Variants in PLB1 observed in about 807,000 individuals in gnomAD.
The protein encoded by PLB1 is phospholipase B1, also known as phospholipase B1, membrane-associated.
PLB1 carries 242 observed loss-of-function variants against 227.4 expected under a neutral mutation model. The observed-to-expected ratio is 1.06, with a 90% CI of 0.96 to 1.18. The LOEUF (loss-of-function observed/expected upper bound fraction) is 1.18, where lower values mean the gene tolerates loss of function less well. PLB1 is among the 50% of genes most tolerant of loss of function. The pLI, the probability that PLB1 is intolerant of heterozygous loss-of-function variation, is 0.00. For synonymous variants in PLB1, 757 were observed against 682.2 expected, an observed-to-expected ratio of 1.11 and a Z score of -1.71; for missense variants, 1,858 against 1,816.3, an observed-to-expected ratio of 1.02 and a Z score of -0.42.
intron 28 of PLB1, 71 bp downstream of exon 28, chr2:28,589,841 C>A: frequency 6.8e-7 from 1 of 1,474,482 alleles, no homozygotes; most frequent in Non-Finnish European, 9.5e-7. Context: ...CTTTGGAGGA[C>A]CTCGGAGGCC....
rs921730419 is a variant in PLB1, at chr2:28,573,434, C to T, written c.1433+129C>T. On this transcript the variant is annotated intron_variant, in intron 21 of 57. Coordinates refer to ENST00000327757, the MANE Select transcript of PLB1 (RefSeq NM_153021.5). ...AGAGGAAAGGGTTTCGGGGCCAAAGCCTGGACAGAGCTCTCTTGGAGGTGT... is the reference window on the plus strand; with the variant it reads ...AGAGGAAAGGGTTTCGGGGCCAAAGTCTGGACAGAGCTCTCTTGGAGGTGT... The T allele has an allele frequency of 5.9e-6, 4 of 682,828 alleles. No homozygotes were observed. The African/African-American group carries it at 7.1e-5, about 12-fold the overall frequency. 42.3% of individuals were successfully genotyped at this position (682,828 alleles called of 1,614,324 possible).
At chr2:28,564,708 C>T (rs1676596689) in intron 18 of PLB1, among the ~76,000 whole-genome samples, 1 of 152,146 alleles carries the variant, frequency 6.6e-6, no homozygotes, top group Admixed American at 6.5e-5. Context: ...GGCCAGCCTT[C>T]ACCCCCAACT....
chr2:28,559,332 T>G (rs1009160951), intron 17 of PLB1, among the ~76,000 whole-genome samples: 1 of 152,270 alleles, frequency 6.6e-6, no homozygotes, highest in Non-Finnish European at 1.5e-5. Context: ...CCCAGCCATC[T>G]GTGTTTTCAC....
intron 1 of PLB1, among the ~76,000 whole-genome samples, chr2:28,509,660 G>A (rs1388356548): frequency 2.6e-5 from 4 of 152,140 alleles, no homozygotes; most frequent in Non-Finnish European, 4.4e-5. Flanking sequence ...GGATAGAAAA[G>A]TGCTTGTTTT....
intron 14 of PLB1, among the ~76,000 whole-genome samples, chr2:28,546,432 C>A (rs1355324630): frequency 6.6e-6 from 1 of 152,106 alleles, no homozygotes; most frequent in Admixed American, 6.5e-5. Context: ...TTTTTAAGGT[C>A]ATTGCCCTCA....
At chr2:28,573,732 G>A (rs1208291966) in intron 21 of PLB1, among the ~76,000 whole-genome samples, 1 of 152,204 alleles carries the variant, frequency 6.6e-6, no homozygotes. Context: ...AGCCCTGGGA[G>A]GGGAGGCCCT....
In PLB1 at chr2:28,628,569, C is replaced by A. The variant is rs201323637; in HGVS notation, c.3667C>A (p.His1223Asn). ...TACCCTTTTTTCCTTACAGGAGGCC[C>A]ACTTGGCCACGGAATATGTTCAGCA... ...LCHYCENPEA[H>N]LATEYVQHIQ... Residue 1223 changes from histidine (H) to asparagine (N), a missense_variant, in exon 52 of 58, where the codon CAC becomes AAC. Coordinates refer to ENST00000327757, the MANE Select transcript of PLB1 (RefSeq NM_153021.5). 3.2e-5 allele frequency: 51 copies of A among 1,613,992 alleles called. No individual in the cohort carries two copies. The highest frequency in any genetic ancestry group is 4.0e-5 in the Non-Finnish European group (47 of 1,179,980).
In PLB1 at chr2:28,591,119, C is replaced by T. The variant is rs112421105; in HGVS notation, c.2089-14C>T. On this transcript the variant is annotated splice_polypyrimidine_tract_variant and intron_variant, in intron 29 of 57. Transcript: ENST00000327757. ...CAGAATTTGCTGCCATTGCTCACCC[C>T]CCTCTCCTCACAGGTCCAGCCGTTT... 1.4e-5 allele frequency: 22 copies of T among 1,614,030 alleles called. No homozygotes were observed. Among genetic ancestry groups the T allele is most frequent in the Admixed American group, 6.7e-5 (4 of 60,004 alleles).
chr2:28,590,088 A>G lies in PLB1; in HGVS notation c.2088+12A>G, dbSNP rs1373986767. The stretch of plus-strand genomic sequence containing the variant: ...CATGTCCGAACCAGGTAGAGTGGAA[A>G]GCACGTCCTTCCAGGCTCCGGCTGC... On this transcript the variant is annotated intron_variant, in intron 29 of 57. Coordinates refer to ENST00000327757, the MANE Select transcript of PLB1 (RefSeq NM_153021.5). 1 of 1,602,232 alleles carries G rather than the reference A, an allele frequency of 6.2e-7. No homozygotes were observed. The highest frequency in any genetic ancestry group is 1.3e-5 in the African/African-American group (1 of 74,618).
chr2:28,540,441 G>A lies in PLB1; in HGVS notation c.774G>A (p.Gln258=), dbSNP rs906429233. Residue 258 remains glutamine (Q), a splice_region_variant and synonymous_variant, in exon 12 of 58, where the codon CAG becomes CAA. Transcript: ENST00000327757. The part of the protein sequence containing the change: ...LAKVVMQWSY[Q]EAWNSLLASS... ...AGGTGGTGATGCAGTGGTCTTATCA[G>A]GTGAGCCCAACCTGGGATCCCAAGC... 1.2e-6 allele frequency: 2 copies of A among 1,613,642 alleles called. No homozygotes were observed. The highest frequency in any genetic ancestry group is 2.7e-5 in the African/African-American group (2 of 74,908).
intron 49 of PLB1, among the ~76,000 whole-genome samples, chr2:28,623,353 G>A (rs1167849416): frequency 2.0e-5 from 3 of 152,088 alleles, no homozygotes; most frequent in African/African-American, 7.3e-5. Context: ...ATGGGAAGAA[G>A]ATGGCTAGGA....
At chr2:28,599,527 A>G (rs558935164) in intron 35 of PLB1, among the ~76,000 whole-genome samples, 37 of 152,202 alleles carry the variant, frequency 2.4e-4, no homozygotes, top group African/African-American at 8.7e-4. Context: ...TCACCTTGCT[A>G]TGGATCCATC....
Position 28,598,714 on chromosome 2 carries a change from G to A in PLB1, c.2428G>A (p.Asp810Asn). Residue 810 changes from aspartate to asparagine, a missense_variant, in exon 35 of 58, where the codon GAC (aspartate) becomes AAC (asparagine). Coordinates refer to ENST00000327757, the MANE Select transcript of PLB1 (RefSeq NM_153021.5). ...GYAVGTGDAN[D>N]TNAFLNQAVP... ...CGCCGTGGGCACGGGTGATGCCAAT[G>A]ACACGAATGCATTCCTCAATCAAGC... The A allele has an allele frequency of 1.2e-6, 2 of 1,614,248 alleles. No individual in the cohort carries two copies. Among genetic ancestry groups the A allele is most frequent in the Non-Finnish European group, 1.7e-6 (2 of 1,180,034 alleles).
intron 16 of PLB1, among the ~76,000 whole-genome samples, chr2:28,551,745 G>T (rs763383976): frequency 4.6e-5 from 7 of 152,210 alleles, no homozygotes; most frequent in Non-Finnish European, 8.8e-5. Flanking sequence ...AGTAATAGTC[G>T]TACCTTGCGG....
intron 6 of PLB1, among the ~76,000 whole-genome samples, chr2:28,528,941 C>CT (rs201087238): frequency 0.022 from 2,357 of 109,372 alleles, 53 homozygotes; most frequent in African/African-American, 0.042. Flanking sequence ...GGGAGTCAGT[C>CT]TTTTTTTTTT....
chr2:28,619,451 A>C (rs987408456), intron 46 of PLB1, among the ~76,000 whole-genome samples: 2 of 150,710 alleles, frequency 1.3e-5, no homozygotes, highest in African/African-American at 4.9e-5. Context: ...TTCTTAAGGT[A>C]GGGGTAGATT....
At position 28,600,790 on chromosome 2, in the gene PLB1, G is replaced by A; in HGVS notation, c.2475-19G>A. On this transcript the variant is annotated intron_variant, in intron 35 of 57. Coordinates refer to ENST00000327757, the MANE Select transcript of PLB1 (RefSeq NM_153021.5). ...GGCACTGTTCCTCAACAGAAGGATG[G>A]GTTTTCTCTCTTTCTCAGGGATCTT... 6.2e-7 allele frequency: 1 copy of A among 1,612,524 alleles called. No individual in the cohort carries two copies.
At chr2:28,532,486 A>T (rs532428017) in intron 9 of PLB1, among the ~76,000 whole-genome samples, 2 of 152,302 alleles carry the variant, frequency 1.3e-5, no homozygotes, top group East Asian at 3.9e-4. Context: ...TAATCATTTT[A>T]AGTGTACAGT....
intron 10 of PLB1, 99 bp downstream of exon 10, chr2:28,538,480 C>T: frequency 9.0e-7 from 1 of 1,107,838 alleles, no homozygotes; most frequent in African/African-American, 1.5e-5. Flanking sequence ...GTGAGGGAGA[C>T]TGGGACCCTC....
Sources: allele counts gnomAD v4.1 joint callset (sites outside exome capture counted in the v4.1 genomes callset), GRCh38; gene constraint gnomAD v4.1.1; transcripts MANE v1.5; gene names NCBI Gene and HGNC (gene_info 2026-07-23, HGNC 2026-07-21).